EMC3: variants seen among roughly 807,000 people sequenced by gnomAD.
The protein encoded by EMC3 is ER membrane protein complex subunit 3.
Under a neutral mutation model 36.6 loss-of-function variants are expected in EMC3, and 13 were observed. The ratio of observed to expected loss-of-function variants is 0.35; its 90% confidence interval spans 0.23 to 0.56. EMC3 has a LOEUF of 0.56. EMC3 is among the 20% of genes least tolerant of loss of function. The probability of loss-of-function intolerance (pLI) is 0.84; values close to 1 mark genes in which losing one functional copy is unlikely to be tolerated. For synonymous variants in EMC3, 120 were observed against 111.9 expected, an observed-to-expected ratio of 1.07 and a Z score of -0.46; for missense variants, 220 against 324.5, an observed-to-expected ratio of 0.68 and a Z score of 2.47.
chr3:9,982,532 G>T (rs993946636), intron 1 of EMC3, among the ~76,000 whole-genome samples: 1 of 152,096 alleles, frequency 6.6e-6, no homozygotes, highest in African/African-American at 2.4e-5. Flanking sequence ...AGAATTACAG[G>T]TGTGAGCCAC....
intron 5 of EMC3, among the ~76,000 whole-genome samples, chr3:9,971,581 G>C (rs1034845761): frequency 6.6e-6 from 1 of 152,128 alleles, no homozygotes; most frequent in Non-Finnish European, 1.5e-5. Flanking sequence ...CCAGTCTCGC[G>C]TCTGTCCATG....
rs61596273 is a variant in EMC3 at position 9,963,477 on chromosome 3, A to ATATATATT, written c.*591_*592insAATATATA. The ATATATATT allele has an allele frequency of 7.5e-3, 665 of 88,844 alleles. 6 individuals carry two copies. The highest frequency in any genetic ancestry group is 0.037 in the Middle Eastern group (5 of 134). 5.5% of individuals were successfully genotyped at this position (88,844 alleles called of 1,614,324 possible). On this transcript the variant is annotated 3_prime_UTR_variant, in exon 8 of 8. Transcript: ENST00000245046. ...TAGATATATATATATATATATATAT[A>ATATATATT]TTTTTTTTTTTTTTTCAGATGGAGT...
At chr3:9,986,358 G>T in intron 1 of EMC3, 149 bp downstream of exon 1, 1 of 843,694 alleles carries the variant, frequency 1.2e-6, no homozygotes, top group Non-Finnish European at 1.9e-6. Flanking sequence ...CCATTTCACA[G>T]AGGACAAAAG....
intron 1 of EMC3, chr3:10,007,094 G>A: frequency 3.2e-6 from 1 of 313,204 alleles, no homozygotes; most frequent in Non-Finnish European, 6.2e-6. Context: ...GCACACCCTA[G>A]TTTAGGCGGC....
chr3:10,002,147 CT>C (rs1225707114), intron 1 of EMC3, among the ~76,000 whole-genome samples: 2 of 151,988 alleles, frequency 1.3e-5, no homozygotes, highest in African/African-American at 4.8e-5. Flanking sequence ...TGTTGTGGGA[CT>C]TTGATAAGGA....
chr3:10,008,402 A>C (rs202150960), intron 1 of EMC3: 1 of 1,367,574 alleles, frequency 7.3e-7, no homozygotes, highest in Non-Finnish European at 9.8e-7. Context: ...TCAAGTGTCT[A>C]CCTGGGCCGG....
intron 1 of EMC3, chr3:10,004,054 A>G (rs1420002787): frequency 6.6e-6 from 1 of 152,210 alleles, no homozygotes; most frequent in Non-Finnish European, 1.5e-5. Context: ...CCAATGTGCC[A>G]CCATGGATAT....
At chr3:9,974,767 C>A (rs920727313) in intron 3 of EMC3, among the ~76,000 whole-genome samples, 1 of 151,918 alleles carries the variant, frequency 6.6e-6, no homozygotes, top group Admixed American at 6.6e-5. Flanking sequence ...ACCGTGTCAG[C>A]CAGGATGGTC....
At chr3:9,998,628 G>A (rs1031753304) in intron 1 of EMC3, among the ~76,000 whole-genome samples, 7 of 151,760 alleles carry the variant, frequency 4.6e-5, no homozygotes, top group African/African-American at 1.4e-4. Context: ...TGATGAGTAC[G>A]GAGTGATACC....
At chr3:9,992,380 C>G (rs2086065381) in intron 1 of EMC3, among the ~76,000 whole-genome samples, 1 of 152,130 alleles carries the variant, frequency 6.6e-6, no homozygotes, top group Non-Finnish European at 1.5e-5. Flanking sequence ...TGTACCTCAG[C>G]CTCCCAAAGT....
At chr3:9,979,197 A>C (rs1178628581) in intron 1 of EMC3, among the ~76,000 whole-genome samples, 1 of 152,224 alleles carries the variant, frequency 6.6e-6, no homozygotes, top group Non-Finnish European at 1.5e-5. Flanking sequence ...AAAGATACTC[A>C]AAGTGTGGTG....
upstream of EMC3, chr3:9,987,699 G>A: frequency 2.6e-6 from 1 of 385,938 alleles, no homozygotes; most frequent in Non-Finnish European, 4.9e-6. Context: ...CTCTTTCTGT[G>A]TAGTACCTCA....
At chr3:9,991,352 C>G (rs2086049604), upstream of EMC3, among the ~76,000 whole-genome samples, 1 of 152,184 alleles carries the variant, frequency 6.6e-6, no homozygotes. Context: ...TACAGTTTTT[C>G]TCTGCTCTCT....
Position 9,980,554 on chromosome 3 carries a change from G to T in EMC3, c.156-3108C>A, listed in dbSNP as rs1200244726. Among the ~76,000 whole-genome samples the T allele has an allele frequency of 9.2e-3, 1,199 of 130,888 alleles. 11 individuals are homozygous for T. The highest frequency in any genetic ancestry group is 0.013 in the Non-Finnish European group (780 of 61,666). The allele number at this position is 130,888 out of a possible 152,430, so 85.9% of individuals were successfully genotyped here. A position where few individuals can be genotyped will look rare whatever the true frequency, so the allele number is the denominator to read the frequency against. On this transcript the variant is annotated intron_variant, in intron 1 of 7. Coordinates refer to ENST00000245046, the MANE Select transcript of EMC3 (RefSeq NM_001394674.1). ...CAAACTTTTGTGTTTTGTTTTTTTT[G>T]TTTTTTTTTTTTTTGTAGAGACAGG...
Position 9,976,943 on chromosome 3 carries a change from G to C in EMC3, c.307+14C>G. The C allele has an allele frequency of 6.3e-7, 1 of 1,586,530 alleles. No homozygotes were observed. Among genetic ancestry groups the C allele is most frequent in the Non-Finnish European group, 8.6e-7 (1 of 1,166,352 alleles). ...AAAATCTTCCTTAAAGATGAGTGAA[G>C]GGAACAAACATACCAGTCATAGGAG... On this transcript the variant is annotated intron_variant, in intron 3 of 7. Coordinates refer to ENST00000245046, the MANE Select transcript of EMC3 (RefSeq NM_001394674.1).
chr3:10,003,827 C>T (rs2086231883), intron 1 of EMC3: 1 of 158,382 alleles, frequency 6.3e-6, no homozygotes, highest in South Asian at 1.8e-4. Context: ...AGGAGAAGGC[C>T]TAGACCATGT....
rs2085978439 is a variant in EMC3, at chr3:9,986,763, T to C, written c.-102A>G. 1.9e-6 allele frequency: 3 copies of C among 1,546,930 alleles called. No individual in the cohort carries two copies. The highest frequency in any genetic ancestry group is 2.0e-5 in the Admixed American group (1 of 50,478). Reference sequence around the variant, plus strand: ...CGCCTCCGGGCCTTCTCAAGCCCCTTTGCCCGTGTACCCCAGAACTCTCCT... The same window carrying C: ...CGCCTCCGGGCCTTCTCAAGCCCCTCTGCCCGTGTACCCCAGAACTCTCCT... On this transcript the variant is annotated 5_prime_UTR_variant, in exon 1 of 8. Coordinates refer to ENST00000245046, the MANE Select transcript of EMC3 (RefSeq NM_001394674.1).
At position 9,997,751 on chromosome 3, in the gene EMC3, C is replaced by T. The variant is rs142080743; in HGVS notation, c.-241-10849G>A. Reference sequence around the variant, plus strand: ...CTGGGACTACAGGCGTGAGCCACTGCGCCCGGCCCCCATTCTTTGTTTATA... The same window carrying T: ...CTGGGACTACAGGCGTGAGCCACTGTGCCCGGCCCCCATTCTTTGTTTATA... On this transcript the variant is annotated intron_variant, in intron 1 of 8. Transcript: ENST00000470827. Among the ~76,000 whole-genome samples, 23 of 152,276 alleles carry T rather than the reference C, an allele frequency of 1.5e-4. 1 individual carries two copies. Among genetic ancestry groups the T allele is most frequent in the East Asian group, 9.7e-4 (5 of 5,164 alleles).
At chr3:9,976,019 C>G (rs952522401) in intron 3 of EMC3, among the ~76,000 whole-genome samples, 3 of 152,140 alleles carry the variant, frequency 2.0e-5, no homozygotes. Flanking sequence ...TTTAAAATAG[C>G]TGGTTATCTC....
Sources: allele counts gnomAD v4.1 joint callset (sites outside exome capture counted in the v4.1 genomes callset), GRCh38; gene constraint gnomAD v4.1.1; transcripts MANE v1.5; gene names NCBI Gene and HGNC (gene_info 2026-07-23, HGNC 2026-07-21).